FARP1: variants seen among roughly 807,000 people sequenced by gnomAD.
FARP1 encodes FERM, ARHGEF and pleckstrin domain-containing protein 1.
FARP1 carries 52 observed loss-of-function variants against 128.8 expected under a neutral mutation model. The ratio of observed to expected loss-of-function variants is 0.40; its 90% confidence interval spans 0.32 to 0.51. The LOEUF (loss-of-function observed/expected upper bound fraction) is 0.51. Ranked by LOEUF, FARP1 falls within the 20% of genes least tolerant of loss-of-function variation. The probability of loss-of-function intolerance (pLI) is 0.45; values close to 1 mark genes in which losing one functional copy is unlikely to be tolerated. For missense variants in FARP1, 1,333 were observed against 1,367.9 expected, an observed-to-expected ratio of 0.97 and a Z score of 0.40; for synonymous variants, 580 against 551.8, an observed-to-expected ratio of 1.05 and a Z score of -0.72.
In FARP1 at chr13:98,440,222, C is replaced by T; in HGVS notation, c.2616C>T (p.Ser872=). 1 of 1,612,548 alleles carries T rather than the reference C, an allele frequency of 6.2e-7. No homozygotes were observed. Among genetic ancestry groups the T allele is most frequent in the South Asian group, 1.1e-5 (1 of 91,046 alleles). ...CCGCCCCTGAGTTCCTGGCCAGCAG[C>T]CCCCCTGACAACAGTGAGTGTGGCC... ...SSPAPEFLAS[S]PPDNKSPDEA... The change falls in exon 23 of 27, where the codon AGC becomes AGT. Residue 872 remains serine, a synonymous_variant. Transcript: ENST00000319562.
chr13:98,388,168 G>A (rs1256057168), intron 8 of FARP1, among the ~76,000 whole-genome samples: 31 of 152,130 alleles, frequency 2.0e-4, no homozygotes, highest in Admixed American at 2.0e-3. Flanking sequence ...GGCAGACTTA[G>A]TTTGTATGCC....
intron 14 of FARP1, 21 bp downstream of exon 14, chr13:98,409,546 G>A (rs1184971876): frequency 6.4e-7 from 1 of 1,574,428 alleles, no homozygotes; most frequent in Admixed American, 1.8e-5. Flanking sequence ...GAGGGCTCAA[G>A]CGCGTGTGTG....
intron 2 of FARP1, among the ~76,000 whole-genome samples, chr13:98,254,155 A>G (rs1407750917): frequency 6.6e-6 from 1 of 152,202 alleles, no homozygotes. Context: ...GGTGTCCCTG[A>G]AAAGTACTAA....
rs1174064010 is a variant in FARP1 at position 98,450,619 on chromosome 13, C to G, written c.*2302C>G. The G allele has an allele frequency of 6.6e-6, 1 of 152,260 alleles. No individual in the cohort carries two copies. Among genetic ancestry groups the G allele is most frequent in the Non-Finnish European group, 1.5e-5 (1 of 68,080 alleles). 9.4% of individuals were successfully genotyped at this position (152,260 alleles called of 1,614,324 possible). On this transcript the variant is annotated 3_prime_UTR_variant, in exon 27 of 27. Transcript: ENST00000319562. ...GCCCTCGTCTCCCAGAGGCTGAGTA[C>G]CTCCCCAGGCTGCAGGCTCTGGGCA... is the stretch of plus-strand genomic sequence containing the variant.
At chr13:98,144,607 C>G (rs535665456) in intron 1 of FARP1, among the ~76,000 whole-genome samples, 1 of 152,200 alleles carries the variant, frequency 6.6e-6, no homozygotes, top group African/African-American at 2.4e-5. Context: ...TCTTCAGAGC[C>G]AAACCCTGGC....
chr13:98,235,662 T>C (rs550777703), intron 2 of FARP1, among the ~76,000 whole-genome samples: 1 of 152,304 alleles, frequency 6.6e-6, no homozygotes, highest in Middle Eastern at 3.4e-3. Flanking sequence ...CACGTTGCTA[T>C]GCATCAGAGC....
At chr13:98,301,666 T>G (rs1170200963) in intron 2 of FARP1, among the ~76,000 whole-genome samples, 1 of 152,232 alleles carries the variant, frequency 6.6e-6, no homozygotes, top group Non-Finnish European at 1.5e-5. Flanking sequence ...AGAGGTGTTT[T>G]GATCGTATAA....
At chr13:98,240,049 T>G (rs1177382474) in intron 2 of FARP1, among the ~76,000 whole-genome samples, 1 of 151,462 alleles carries the variant, frequency 6.6e-6, no homozygotes, top group African/African-American at 2.4e-5. Flanking sequence ...GGAGGGGAGG[T>G]GGCTTTAGCT....
Position 98,316,893 on chromosome 13 carries a change from G to C in FARP1, c.172-26869G>C, listed in dbSNP as rs116835824. ...GAAGCAACCAGTTGGAAAGCAAATA[G>C]GGGTGCTTTTCACATCCCACTTTGG... is the stretch of plus-strand genomic sequence containing the variant. On this transcript the variant is annotated intron_variant, in intron 2 of 26. Coordinates refer to ENST00000319562, the MANE Select transcript of FARP1 (RefSeq NM_005766.4). Among the ~76,000 whole-genome samples the C allele has an allele frequency of 5.0e-3, 759 of 152,298 alleles. 8 individuals carry two copies. Among genetic ancestry groups the C allele is most frequent in the African/African-American group, 0.017 (702 of 41,558 alleles).
chr13:98,318,954 T>G (rs868798560), intron 2 of FARP1, among the ~76,000 whole-genome samples: 18 of 89,366 alleles, frequency 2.0e-4, no homozygotes, highest in Non-Finnish European at 3.8e-4. Flanking sequence ...TTTCTTGTTT[T>G]TTTTTTTTTT....
intron 1 of FARP1, among the ~76,000 whole-genome samples, chr13:98,160,922 A>C (rs1473663345): frequency 6.6e-6 from 1 of 151,806 alleles, no homozygotes; most frequent in Non-Finnish European, 1.5e-5. Context: ...CAGGTGATCC[A>C]CCCGCTTAAC....
intron 3 of FARP1, among the ~76,000 whole-genome samples, chr13:98,359,402 C>T (rs1055969262): frequency 4.6e-5 from 7 of 152,180 alleles, no homozygotes; most frequent in African/African-American, 1.2e-4. Context: ...CTCAAACATT[C>T]CAGTTGCTTA....
chr13:98,451,182 CT>C lies in FARP1; in HGVS notation c.*2866del, dbSNP rs1893172877. On this transcript the variant is annotated 3_prime_UTR_variant, in exon 27 of 27. Transcript: ENST00000319562. Reference sequence around the variant, plus strand: ...TGAAGAACTCTGTAAATCAGAAAAGCTGCTGTCCGCCCTGGCTCACTTAAAA... The same window carrying C: ...TGAAGAACTCTGTAAATCAGAAAAGCGCTGTCCGCCCTGGCTCACTTAAAA... The C allele has an allele frequency of 6.6e-6, 1 of 152,180 alleles. No individual in the cohort carries two copies. The highest frequency in any genetic ancestry group is 2.4e-5 in the African/African-American group (1 of 41,424). 9.4% of individuals were successfully genotyped at this position (152,180 alleles called of 1,614,324 possible). A position where few individuals can be genotyped will look rare whatever the true frequency, so the allele number is the denominator to read the frequency against.
At chr13:98,195,616 G>T (rs1879524657) in intron 1 of FARP1, among the ~76,000 whole-genome samples, 1 of 152,166 alleles carries the variant, frequency 6.6e-6, no homozygotes, top group Admixed American at 6.5e-5. Context: ...CCTTTCTTTT[G>T]TGGGTACTCA....
intron 2 of FARP1, among the ~76,000 whole-genome samples, chr13:98,228,965 T>C (rs563452037): frequency 6.6e-6 from 1 of 152,374 alleles, no homozygotes; most frequent in East Asian, 1.9e-4. Flanking sequence ...TTTGTTATTC[T>C]TTTTAACAAA....
chr13:98,182,479 C>T (rs1429094767), intron 1 of FARP1, among the ~76,000 whole-genome samples: 1 of 152,066 alleles, frequency 6.6e-6, no homozygotes, highest in African/African-American at 2.4e-5. Flanking sequence ...GGCACACGCC[C>T]CCACACCTGG....
At chr13:98,197,078 T>G (rs1276982978) in intron 1 of FARP1, among the ~76,000 whole-genome samples, 1 of 152,338 alleles carries the variant, frequency 6.6e-6, no homozygotes, top group East Asian at 1.9e-4. Context: ...GGAAATTGCT[T>G]TTCTTTTCCC....
chr13:98,220,387 C>G (rs1369729478), intron 2 of FARP1, among the ~76,000 whole-genome samples: 1 of 152,168 alleles, frequency 6.6e-6, no homozygotes. Flanking sequence ...CTTTTGCCGC[C>G]GCTTAAGCAG....
chr13:98,170,743 C>T (rs1360334396), intron 1 of FARP1, among the ~76,000 whole-genome samples: 1 of 152,150 alleles, frequency 6.6e-6, no homozygotes, highest in African/African-American at 2.4e-5. Flanking sequence ...CTGCCCACCT[C>T]GGCCTCCCAA....
Sources: allele counts gnomAD v4.1 joint callset (sites outside exome capture counted in the v4.1 genomes callset), GRCh38; gene constraint gnomAD v4.1.1; transcripts MANE v1.5; gene names NCBI Gene and HGNC (gene_info 2026-07-23, HGNC 2026-07-21).